The following PCDH15 variants were observed in gnomAD, a reference collection of about 807,000 sequenced individuals.
PCDH15 encodes protocadherin related 15, also known as protocadherin-15.
PCDH15 carries 129 observed loss-of-function variants against 178.5 expected under a neutral mutation model. The ratio of observed to expected loss-of-function variants is 0.72; its 90% CI spans 0.63 to 0.84. PCDH15 has a LOEUF of 0.84. Ranked by LOEUF, PCDH15 falls within the 40% of genes least tolerant of loss-of-function variation. PCDH15 has a pLI of 0.00. For synonymous variants in PCDH15, 800 were observed against 732.0 expected (o/e 1.09, Z -1.50); for missense variants, 2,230 against 2,099.9 (o/e 1.06, Z -1.21).
rs1840124112 is a variant in PCDH15 at position 55,479,222 on chromosome 10, CA to C, written c.-156+148402del. Among the ~76,000 whole-genome samples the C allele has an allele frequency of 2.6e-5, 4 of 151,610 alleles. No homozygotes were observed. The South Asian group carries it at 8.3e-4, about 31-fold the overall frequency. On this transcript the variant is annotated intron_variant, in intron 2 of 5. Transcript: ENST00000613346. The stretch of plus-strand genomic sequence containing the variant: ...ACTTCAGACAAATAAACCTGATGAA[CA>C]TGCATGTAAAATTCCTCAACAAAAT...
rs533839265 is a variant in PCDH15, at chr10:53,823,748, AG to A, written c.4368-3519del. The stretch of plus-strand genomic sequence containing the variant: ...ACACCATCCTTGCCTGAGGATGCTC[AG>A]GGCTGCCTGTTACGCATAGAAGATT... On this transcript the variant is annotated intron_variant, in intron 32 of 37. Transcript: ENST00000644397. The A allele has an allele frequency of 2.7e-4, 126 of 460,362 alleles. 2 individuals carry two copies. Among genetic ancestry groups the A allele is most frequent in the South Asian group, 1.9e-3 (122 of 64,592 alleles). 28.5% of individuals were successfully genotyped at this position (460,362 alleles called of 1,614,324 possible).
intron 2 of PCDH15, among the ~76,000 whole-genome samples, chr10:55,602,963 G>C (rs1407705003): frequency 2.6e-5 from 4 of 152,146 alleles, no homozygotes; most frequent in South Asian, 2.1e-4. Context: ...AAATTCAAAC[G>C]AAAGGCAAAG....
chr10:54,604,676 C>T (rs1354190297), intron 2 of PCDH15, among the ~76,000 whole-genome samples: 2 of 151,696 alleles, frequency 1.3e-5, no homozygotes, highest in Non-Finnish European at 2.9e-5. Flanking sequence ...TAGTTGGTGC[C>T]AAGTTTTTAT....
intron 2 of PCDH15, among the ~76,000 whole-genome samples, chr10:55,488,401 G>C (rs917290250): frequency 3.3e-5 from 5 of 151,466 alleles, no homozygotes; most frequent in Non-Finnish European, 5.9e-5. Flanking sequence ...GCAGAACATA[G>C]CCTATTATCA....
At chr10:53,971,704 T>C (rs1249625227) in intron 21 of PCDH15, among the ~76,000 whole-genome samples, 1 of 152,016 alleles carries the variant, frequency 6.6e-6, no homozygotes, top group Admixed American at 6.6e-5. Flanking sequence ...TCAAAGAGAA[T>C]AAAATACCTG....
chr10:55,256,436 C>A (rs1214239092), intron 1 of PCDH15, among the ~76,000 whole-genome samples: 1 of 152,162 alleles, frequency 6.6e-6, no homozygotes, highest in Non-Finnish European at 1.5e-5. Context: ...CATCGCCTCA[C>A]CCGGGAAGTA....
At chr10:55,101,361 C>T (rs2132046129) in intron 2 of PCDH15, among the ~76,000 whole-genome samples, 1 of 151,816 alleles carries the variant, frequency 6.6e-6, no homozygotes, top group Admixed American at 6.6e-5. Context: ...TGCACTCCAG[C>T]CTGGGTGACA....
intron 25 of PCDH15, among the ~76,000 whole-genome samples, chr10:53,907,498 T>C (rs1297594278): frequency 6.6e-6 from 1 of 152,154 alleles, no homozygotes; most frequent in East Asian, 1.9e-4. Context: ...AATTACAAAG[T>C]AGGCAAAAAA....
rs1473715138 is a variant in PCDH15, at chr10:54,940,429, G to A, written c.-79-42929C>T. On this transcript the variant is annotated intron_variant, in intron 2 of 5. Coordinates refer to the PCDH15 transcript ENST00000458638. ...TTTCACATATTTTAAACTTATTGAG[G>A]CTAGTTTTATGGCCTACAATATGAT... Among the ~76,000 whole-genome samples the A allele has an allele frequency of 2.6e-5, 4 of 152,142 alleles. No individual in the cohort carries two copies. The East Asian group carries it at 7.7e-4, about 29-fold the overall frequency.
intron 2 of PCDH15, among the ~76,000 whole-genome samples, chr10:54,997,058 G>A (rs992063658): frequency 5.3e-5 from 8 of 150,486 alleles, no homozygotes; most frequent in African/African-American, 9.8e-5. Context: ...GCAGTGAGCT[G>A]AGATCGCACC....
rs566157356 is a variant in PCDH15, at chr10:55,517,459, T to A, written c.-156+110166A>T. Among the ~76,000 whole-genome samples the A allele has an allele frequency of 8.7e-4, 132 of 152,230 alleles. No individual in the cohort carries two copies. The South Asian group carries it at 0.012, about 14-fold the overall frequency. On this transcript the variant is annotated intron_variant, in intron 2 of 5. Coordinates refer to the PCDH15 transcript ENST00000613346. ...CAAAGTCAAAATGTGGATGCCTGGC[T>A]TTTACTCTTACTCATAGTTCATTGT...
Position 54,993,179 on chromosome 10 carries a change from G to C in PCDH15, c.-79-95679C>G, listed in dbSNP as rs181723600. On this transcript the variant is annotated intron_variant, in intron 2 of 5. Transcript: ENST00000458638. ...TGGGGACAGATTGAATATGGGGGTC[G>C]ATGAGGGAAATAGAAGAATTCAAAG... Among the ~76,000 whole-genome samples, 5 of 152,232 alleles carry C rather than the reference G, an allele frequency of 3.3e-5. No individual in the cohort carries two copies. In the East Asian group the frequency reaches 7.7e-4, roughly 24 times the overall value.
intron 9 of PCDH15, among the ~76,000 whole-genome samples, chr10:54,230,355 A>G (rs2053920260): frequency 6.6e-6 from 1 of 152,180 alleles, no homozygotes; most frequent in South Asian, 2.1e-4. Flanking sequence ...TCATGAAACA[A>G]AAGAAAATAT....
chr10:55,014,653 T>G (rs755848270), intron 2 of PCDH15, among the ~76,000 whole-genome samples: 13 of 152,180 alleles, frequency 8.5e-5, no homozygotes, highest in Non-Finnish European at 1.8e-4. Flanking sequence ...TAGTCTTGTC[T>G]TTCTAATTCA....
chr10:55,464,926 C>G (rs941471165), intron 2 of PCDH15, among the ~76,000 whole-genome samples: 14 of 142,456 alleles, frequency 9.8e-5, no homozygotes, highest in Non-Finnish European at 1.7e-4. Flanking sequence ...AGAAACAAAA[C>G]AAACAAACAA....
chr10:54,820,427 G>C (rs1176989743), intron 3 of PCDH15, among the ~76,000 whole-genome samples: 1 of 151,964 alleles, frequency 6.6e-6, no homozygotes, highest in Non-Finnish European at 1.5e-5. Context: ...TATTTTATTT[G>C]AATCTTTTCT....
intron 20 of PCDH15, among the ~76,000 whole-genome samples, chr10:54,012,051 C>T (rs905470675): frequency 3.9e-5 from 6 of 151,966 alleles, no homozygotes; most frequent in Non-Finnish European, 5.9e-5. Flanking sequence ...TACAATAAAA[C>T]AATACAGGAG....
At chr10:54,164,039 T>A (rs2045969535) in intron 13 of PCDH15, among the ~76,000 whole-genome samples, 1 of 152,130 alleles carries the variant, frequency 6.6e-6, no homozygotes, top group African/African-American at 2.4e-5. Context: ...AGACTAAGAA[T>A]CAATGCATTG....
intron 26 of PCDH15, among the ~76,000 whole-genome samples, chr10:53,896,030 A>C (rs2133558321): frequency 6.6e-6 from 1 of 152,324 alleles, no homozygotes; most frequent in Admixed American, 6.5e-5. Flanking sequence ...TTTTCCCAAA[A>C]GTGCAATAAG....
Sources: gnomAD v4.1 joint callset for allele counts (sites outside exome capture counted in the v4.1 genomes callset) on GRCh38, gnomAD v4.1.1 for gene constraint, MANE v1.5 for transcripts, NCBI Gene and HGNC (gene_info 2026-07-23, HGNC 2026-07-21) for gene names.